Variants in TTC39B observed in about 807,000 individuals in gnomAD.
The protein encoded by TTC39B is tetratricopeptide repeat protein 39B.
In TTC39B, 92 loss-of-function variants were observed where a neutral mutation model predicts 96.6. That is an observed-to-expected ratio of 0.95 (90% CI 0.80 to 1.13). The LOEUF (loss-of-function observed/expected upper bound fraction) is 1.13, where lower values mean the gene tolerates loss of function less well. Ranked by LOEUF, TTC39B falls within the 50% of genes most tolerant of loss-of-function variation. TTC39B has a pLI of 0.00. For missense variants in TTC39B, 955 were observed against 809.3 expected (o/e 1.18, Z -2.18); for synonymous variants, 367 against 299.4 (o/e 1.23, Z -2.33).
chr9:15,166,770 A>G lies in TTC39B; in HGVS notation c.*5249T>C, dbSNP rs1165873665. 3 of 151,588 alleles carry G rather than the reference A, an allele frequency of 2.0e-5. No homozygotes were observed. The East Asian group carries it at 5.8e-4, about 30-fold the overall frequency. The allele number at this position is 151,588 out of a possible 1,614,324, so 9.4% of individuals were successfully genotyped here. ...GAAGGACTAGGATAAGAAATCCTGC[A>G]TTTCTTTGGAAAGAACTGTATAAAA... On this transcript the variant is annotated 3_prime_UTR_variant, in exon 20 of 20. Transcript: ENST00000512701.
intron 3 of TTC39B, 26 bp from the exon 4 acceptor site, chr9:15,214,275 G>A (rs1336780863): frequency 1.9e-6 from 3 of 1,560,792 alleles, no homozygotes; most frequent in Non-Finnish European, 2.6e-6. Context: ...AAAGCACAGA[G>A]AATTTCTATA....
At chr9:15,174,982 C>A in intron 19 of TTC39B, 37 bp downstream of exon 19, 1 of 1,366,016 alleles carries the variant, frequency 7.3e-7, no homozygotes, top group Non-Finnish European at 1.0e-6. Flanking sequence ...ATTTCTGACT[C>A]CATAACAATC....
intron 1 of TTC39B, among the ~76,000 whole-genome samples, chr9:15,271,339 C>T: frequency 6.6e-6 from 1 of 152,146 alleles, no homozygotes; most frequent in East Asian, 1.9e-4. Flanking sequence ...AAAAAGACTA[C>T]CTCAAAGATT....
At chr9:15,281,381 T>C (rs1008888863) in intron 1 of TTC39B, among the ~76,000 whole-genome samples, 1 of 152,168 alleles carries the variant, frequency 6.6e-6, no homozygotes, top group Admixed American at 6.5e-5. Context: ...ATTAAATTAT[T>C]ACTTTCATTA....
chr9:15,226,751 G>T (rs1437476473), intron 2 of TTC39B, among the ~76,000 whole-genome samples: 1 of 152,104 alleles, frequency 6.6e-6, no homozygotes, highest in Non-Finnish European at 1.5e-5. Context: ...CGGCCAGTTT[G>T]TTGACCCACA....
At chr9:15,296,994 A>AAAAAG (rs769213082) in intron 1 of TTC39B, among the ~76,000 whole-genome samples, 43 of 152,126 alleles carry the variant, frequency 2.8e-4, no homozygotes, top group African/African-American at 9.7e-4. Flanking sequence ...CTCTTTAAGA[A>AAAAAG]AAAAGAAAAG....
chr9:15,280,419 G>C (rs1353113125), intron 1 of TTC39B, among the ~76,000 whole-genome samples: 1 of 152,212 alleles, frequency 6.6e-6, no homozygotes, highest in Admixed American at 6.5e-5. Context: ...GATGCTTTGA[G>C]GATAGAGTGA....
At chr9:15,248,593 T>C (rs1278334925) in intron 2 of TTC39B, among the ~76,000 whole-genome samples, 1 of 148,092 alleles carries the variant, frequency 6.8e-6, no homozygotes, top group Non-Finnish European at 1.5e-5. Flanking sequence ...GTAACAGATG[T>C]AAACATTTTT....
At chr9:15,230,623 T>C (rs1007924852) in intron 2 of TTC39B, among the ~76,000 whole-genome samples, 1 of 152,214 alleles carries the variant, frequency 6.6e-6, no homozygotes, top group African/African-American at 2.4e-5. Flanking sequence ...TAGTCATTTG[T>C]TGATAATATA....
chr9:15,203,461 A>G (rs1819661292), intron 7 of TTC39B, among the ~76,000 whole-genome samples: 1 of 148,664 alleles, frequency 6.7e-6, no homozygotes, highest in African/African-American at 2.5e-5. Context: ...GGGTTTCACC[A>G]TGTTGGCCAG....
chr9:15,291,855 A>C (rs927088503), intron 1 of TTC39B, among the ~76,000 whole-genome samples: 1 of 152,208 alleles, frequency 6.6e-6, no homozygotes, highest in Non-Finnish European at 1.5e-5. Context: ...CAAGCTTGCA[A>C]GGCAGCAGAC....
At chr9:15,200,858 G>C (rs779497034) in intron 7 of TTC39B, among the ~76,000 whole-genome samples, 35 of 152,282 alleles carry the variant, frequency 2.3e-4, no homozygotes, top group Non-Finnish European at 4.4e-4. Context: ...AAGTAGCCGG[G>C]CATGGTGGCG....
At chr9:15,173,484 C>A (rs997601240) in intron 19 of TTC39B, among the ~76,000 whole-genome samples, 3 of 152,154 alleles carry the variant, frequency 2.0e-5, no homozygotes, top group African/African-American at 7.2e-5. Flanking sequence ...ATTCAGCAGC[C>A]ACTTTTCTGG....
chr9:15,292,595 G>A (rs1438896246), intron 1 of TTC39B, among the ~76,000 whole-genome samples: 1 of 152,086 alleles, frequency 6.6e-6, no homozygotes, highest in African/African-American at 2.4e-5. Flanking sequence ...TTCAGAAGAC[G>A]GCATTGTTGT....
intron 1 of TTC39B, among the ~76,000 whole-genome samples, chr9:15,278,967 C>T (rs184287192): frequency 1.3e-5 from 2 of 152,300 alleles, no homozygotes; most frequent in African/African-American, 4.8e-5. Flanking sequence ...ATAATGTCCA[C>T]ATGAGGAAAC....
intron 2 of TTC39B, among the ~76,000 whole-genome samples, chr9:15,247,762 CAA>C (rs928195303): frequency 7.2e-6 from 1 of 138,962 alleles, no homozygotes; most frequent in Non-Finnish European, 1.6e-5. Flanking sequence ...GGGCATGAGG[CAA>C]AAAAAAACTA....
At chr9:15,202,994 T>G (rs1819631441) in intron 7 of TTC39B, among the ~76,000 whole-genome samples, 2 of 152,114 alleles carry the variant, frequency 1.3e-5, no homozygotes, top group South Asian at 4.1e-4. Flanking sequence ...TAAAAACTGC[T>G]CTTCCAAAGG....
chr9:15,199,049 G>C (rs1163969673), intron 8 of TTC39B, among the ~76,000 whole-genome samples: 1 of 152,108 alleles, frequency 6.6e-6, no homozygotes, highest in African/African-American at 2.4e-5. Flanking sequence ...AAATATATGA[G>C]GCAAACACTG....
chr9:15,242,399 T>C lies in TTC39B; in HGVS notation c.276-16387A>G, dbSNP rs1335802438. Among the ~76,000 whole-genome samples the C allele has an allele frequency of 3.3e-5, 5 of 152,172 alleles. No individual in the cohort carries two copies. In the East Asian group the frequency reaches 9.7e-4, roughly 30 times the overall value. ...GAGTTTGAGACCAGCCTGGGCAACA[T>C]AGGGAGACCCCATCTCTACAAAAAA... On this transcript the variant is annotated intron_variant, in intron 2 of 19. Transcript: ENST00000512701.
Sources: allele counts gnomAD v4.1 joint callset (sites outside exome capture counted in the v4.1 genomes callset), GRCh38; gene constraint gnomAD v4.1.1; transcripts MANE v1.5; gene names NCBI Gene and HGNC (gene_info 2026-07-23, HGNC 2026-07-21).